The following NRL variants were observed in gnomAD, a reference collection of about 807,000 sequenced individuals.
The protein encoded by NRL is neural retina-specific leucine zipper protein.
A neutral mutation model predicts 12.5 loss-of-function variants in NRL; 16 were observed. The ratio of observed to expected loss-of-function variants is 1.28; its 90% CI spans 0.87 to 1.95. The LOEUF is 1.95. Ranked by LOEUF, NRL falls within the 30% of genes most tolerant of loss-of-function variation. NRL has a pLI of 0.00. For synonymous variants in NRL, 142 were observed against 150.9 expected (o/e 0.94, Z 0.43); for missense variants, 314 against 325.8 (o/e 0.96, Z 0.28).
At chr14:24,102,676 G>A in intron 1 of NRL, 1 of 1,218,074 alleles carries the variant, frequency 8.2e-7, no homozygotes, top group Non-Finnish European at 1.2e-6. Flanking sequence ...AACCCTGCAA[G>A]AATGTGTGCC....
In NRL at chr14:24,081,589, A is replaced by C. The variant is rs1217326220; in HGVS notation, c.382-21T>G. 3.8e-6 allele frequency: 6 copies of C among 1,575,132 alleles called. No individual in the cohort carries two copies. The Admixed American group carries it at 5.6e-5, about 15-fold the overall frequency. ...GCCAGCTGCGGAGGGAGAATGCAGA[A>C]ACCGGGTCAGCGCCAGGTCGCACCC... On this transcript the variant is annotated intron_variant, in intron 2 of 2. Transcript: ENST00000561028. This position sits in a 1 kb window ranked among gnomAD's most constrained non-coding sequence, Gnocchi z 4.4.
In NRL at chr14:24,083,923, C is replaced by T. The variant is rs754392526; in HGVS notation, c.-27-1048G>A. On this transcript the variant is annotated intron_variant, in intron 1 of 2. Transcript: ENST00000561028. ...TTATCAATCATGGGGCACATGTTCA[C>T]CTGAGGAACTTCTGGCTGGGTGACC... Among the ~76,000 whole-genome samples the T allele has an allele frequency of 5.3e-5, 8 of 152,206 alleles. 1 individual carries two copies. Among genetic ancestry groups the T allele is most frequent in the Admixed American group, 2.6e-4 (4 of 15,284 alleles).
At chr14:24,114,519 T>A (rs1313380230) in intron 1 of NRL, 1 of 228,358 alleles carries the variant, frequency 4.4e-6, no homozygotes, top group South Asian at 1.6e-4. Context: ...GTAAATTATA[T>A]CCCTTGCTAA....
Position 24,103,539 on chromosome 14 carries a change from A to G in NRL, c.-28+11183T>C. The G allele has an allele frequency of 1.9e-6, 3 of 1,563,242 alleles. No individual in the cohort carries two copies. Among genetic ancestry groups the G allele is most frequent in the Middle Eastern group, 3.5e-4 (2 of 5,788 alleles). On this transcript the variant is annotated intron_variant, in intron 1 of 2. Coordinates refer to ENST00000561028, the MANE Select transcript of NRL (RefSeq NM_001354768.3). ...GATCATCATGCACGACCCATTTGCCATGCGGCCCTTTTTTGGCTACAACTT... is the reference window on the plus strand; with the variant it reads ...GATCATCATGCACGACCCATTTGCCGTGCGGCCCTTTTTTGGCTACAACTT...
Position 24,094,943 on chromosome 14 carries a change from C to T in NRL, c.-27-12068G>A. 1 of 1,039,882 alleles carries T rather than the reference C, an allele frequency of 9.6e-7. No individual in the cohort carries two copies. Among genetic ancestry groups the T allele is most frequent in the Non-Finnish European group, 1.3e-6 (1 of 770,094 alleles). 64.4% of individuals were successfully genotyped at this position (1,039,882 alleles called of 1,614,324 possible). ...TCTCCCGGACTGGAAGGACTGGAACCTGGCGGGAAGTCCAGAGCAGCCCGA... is the reference window on the plus strand; with the variant it reads ...TCTCCCGGACTGGAAGGACTGGAACTTGGCGGGAAGTCCAGAGCAGCCCGA... On this transcript the variant is annotated intron_variant, in intron 1 of 2. Coordinates refer to ENST00000561028, the MANE Select transcript of NRL (RefSeq NM_001354768.3). The surrounding 1 kb of genome is among the most constrained non-coding windows in gnomAD (Gnocchi z 4.1).
At chr14:24,095,255 G>A (rs1026789623) in intron 1 of NRL, 13 of 455,324 alleles carry the variant, frequency 2.9e-5, no homozygotes, top group Non-Finnish European at 1.3e-5. Context: ...CTGCAAGAGG[G>A]TGTGGGGGCT....
chr14:24,114,827 C>G lies in NRL; in HGVS notation c.-133G>C, dbSNP rs1594329614. Reference sequence around the variant, plus strand: ...AGGAAGCCGCGAGATGCGTGACGAGCGAAGCGCGTGACGGAGGAGCGGTTG... The same window carrying G: ...AGGAAGCCGCGAGATGCGTGACGAGGGAAGCGCGTGACGGAGGAGCGGTTG... On this transcript the variant is annotated 5_prime_UTR_variant, in exon 1 of 3. Coordinates refer to ENST00000561028, the MANE Select transcript of NRL (RefSeq NM_001354768.3). 1 of 985,962 alleles carries G rather than the reference C, an allele frequency of 1.0e-6. No homozygotes were observed. Among genetic ancestry groups the G allele is most frequent in the East Asian group, 1.1e-4 (1 of 8,814 alleles). 61.1% of individuals were successfully genotyped at this position (985,962 alleles called of 1,614,324 possible).
chr14:24,098,302 T>TGG, intron 1 of NRL: 1 of 1,613,990 alleles, frequency 6.2e-7, no homozygotes, highest in Non-Finnish European at 8.5e-7. Context: ...TCCCGCCTGG[T>TGG]GGGGCCCGTG....
chr14:24,094,381 AC>A lies in NRL; in HGVS notation c.-27-11507del. On this transcript the variant is annotated intron_variant, in intron 1 of 2. Transcript: ENST00000561028. The surrounding 1 kb of genome is among the most constrained non-coding windows in gnomAD (Gnocchi z 4.1). ...CCCCGGCTCCGCTCGGTTCCTGGCC[AC>A]CCCGCAGCCCCTGCCCAGGTGCCAT... is the stretch of plus-strand genomic sequence containing the variant. 1 of 1,543,746 alleles carries A rather than the reference AC, an allele frequency of 6.5e-7. No individual in the cohort carries two copies. The highest frequency in any genetic ancestry group is 8.7e-7 in the Non-Finnish European group (1 of 1,148,786).
intron 1 of NRL, among the ~76,000 whole-genome samples, chr14:24,091,115 A>C (rs2036615737): frequency 7.2e-6 from 1 of 139,184 alleles, no homozygotes; most frequent in South Asian, 2.4e-4. Flanking sequence ...CGAACAGAAA[A>C]GGCCTGTGTG....
chr14:24,083,813 A>G (rs1387632359), intron 1 of NRL, among the ~76,000 whole-genome samples: 2 of 152,220 alleles, frequency 1.3e-5, no homozygotes, highest in African/African-American at 2.4e-5. Flanking sequence ...GAGCATATTA[A>G]CCTGAGCAAT....
At chr14:24,105,719 G>A (rs2037327464) in intron 1 of NRL, among the ~76,000 whole-genome samples, 1 of 152,212 alleles carries the variant, frequency 6.6e-6, no homozygotes, top group South Asian at 2.1e-4. Context: ...GGGAGTTCAA[G>A]ACCAGCGTGG....
At position 24,081,261 on chromosome 14, in the gene NRL, C is replaced by G. The variant is rs1263818999; in HGVS notation, c.689G>C (p.Gly230Ala). The G allele has an allele frequency of 2.0e-6, 3 of 1,505,988 alleles. No individual in the cohort carries two copies. Among genetic ancestry groups the G allele is most frequent in the Non-Finnish European group, 2.7e-6 (3 of 1,126,038 alleles). The allele number at this position is 1,505,988 out of a possible 1,614,324, so 93.3% of individuals were successfully genotyped here. ...TCAGAGGAAGAGGTGGGAGGGGTCC[C>G]CGGACCCGGGGCCGCTCGAGGTTAG... ...DRLTSSGPGS[G>A]DPSHLFL The change falls in exon 3 of 3, where the codon GGG becomes GCG. Residue 230 changes from glycine (G) to alanine (A), a missense_variant. By Grantham distance (60) the Gly-to-Ala change is moderately conservative. Coordinates refer to ENST00000561028, the MANE Select transcript of NRL (RefSeq NM_001354768.3). This position sits in a 1 kb window ranked among gnomAD's most constrained non-coding sequence, Gnocchi z 4.4.
intron 1 of NRL, chr14:24,099,177 G>T (rs772326322): frequency 6.2e-7 from 1 of 1,608,690 alleles, no homozygotes; most frequent in Admixed American, 1.7e-5. Flanking sequence ...GAAGTGCTTT[G>T]CCCTACGCAT....
intron 1 of NRL, chr14:24,096,772 A>G (rs1222555946): frequency 3.6e-6 from 3 of 829,638 alleles, no homozygotes; most frequent in Non-Finnish European, 5.9e-6. Context: ...CCTGCTCTTC[A>G]TGGTCCCTGC....
At chr14:24,098,309 C>T (rs374219329) in intron 1 of NRL, 16 of 1,613,976 alleles carry the variant, frequency 9.9e-6, no homozygotes, top group Admixed American at 6.7e-5. Flanking sequence ...TGGTGGGGCC[C>T]GTGGGCAGCT....
rs1406446064 is a variant in NRL at position 24,081,957 on chromosome 14, C to T, written c.382-389G>A. ...GCGCTGCGTTTCCCTGTCCTGAAGC[C>T]TGCAACCCGGTGACCCTCACAGGAT... On this transcript the variant is annotated intron_variant, in intron 2 of 2. Transcript: ENST00000561028. This position sits in a 1 kb window ranked among gnomAD's most constrained non-coding sequence, Gnocchi z 4.4. 1 of 1,232,918 alleles carries T rather than the reference C, an allele frequency of 8.1e-7. No homozygotes were observed. Among genetic ancestry groups the T allele is most frequent in the African/African-American group, 1.6e-5 (1 of 62,914 alleles). The allele number at this position is 1,232,918 out of a possible 1,614,324, so 76.4% of individuals were successfully genotyped here. A position where few individuals can be genotyped will look rare whatever the true frequency, so the allele number is the denominator to read the frequency against.
At chr14:24,091,061 G>C (rs906543837) in intron 1 of NRL, among the ~76,000 whole-genome samples, 5 of 151,882 alleles carry the variant, frequency 3.3e-5, no homozygotes, top group Admixed American at 1.3e-4. Context: ...GCATATACAT[G>C]GGATAGAAGC....
rs2036447638 is a variant in NRL, at chr14:24,085,634, G to A, written c.-27-2759C>T. 6.6e-6 allele frequency among the ~76,000 whole-genome samples: 1 copy of A among 152,162 alleles called. No individual in the cohort carries two copies. Among genetic ancestry groups the A allele is most frequent in the African/African-American group, 2.4e-5 (1 of 41,412 alleles). ...TGAGGCCACCCAAATACTCCCATGGGGTTAATAGTTCCTCTTTCTCAACAC... is the reference window on the plus strand; with the variant it reads ...TGAGGCCACCCAAATACTCCCATGGAGTTAATAGTTCCTCTTTCTCAACAC... On this transcript the variant is annotated intron_variant, in intron 1 of 2. Transcript: ENST00000561028. This position sits in a 1 kb window ranked among gnomAD's most constrained non-coding sequence, Gnocchi z 4.1.
Sources: allele counts gnomAD v4.1 joint callset (sites outside exome capture counted in the v4.1 genomes callset), GRCh38; gene constraint gnomAD v4.1.1; non-coding constraint Gnocchi (gnomAD v3.1); transcripts MANE v1.5; gene names NCBI Gene and HGNC (gene_info 2026-07-23, HGNC 2026-07-21).